The following WWP1 variants were observed in gnomAD, a reference collection of about 807,000 sequenced individuals.
WWP1 encodes the protein WW domain containing E3 ubiquitin protein ligase 1, also known as NEDD4-like E3 ubiquitin-protein ligase WWP1.
WWP1 carries 49 observed loss-of-function variants against 130.6 expected under a neutral mutation model. The ratio of observed to expected loss-of-function variants is 0.38; its 90% CI spans 0.30 to 0.48. The LOEUF (loss-of-function observed/expected upper bound fraction) is 0.48. Among genes scored for constraint, WWP1 ranks in the 20% least tolerant of loss-of-function variants. WWP1 has a pLI of 0.99. For synonymous variants in WWP1, 332 were observed against 367.8 expected, an observed-to-expected ratio of 0.90 and a Z score of 1.11; for missense variants, 809 against 1,100.6, an observed-to-expected ratio of 0.74 and a Z score of 3.75.
At chr8:86,389,605 T>G (rs1038285402) in intron 5 of WWP1, among the ~76,000 whole-genome samples, 4 of 152,218 alleles carry the variant, frequency 2.6e-5, no homozygotes, top group African/African-American at 4.8e-5. Flanking sequence ...TTCCCCACAT[T>G]TCCCCCTTTT....
chr8:86,433,229 C>CT (rs11321240), intron 14 of WWP1, among the ~76,000 whole-genome samples: 14,770 of 119,018 alleles, frequency 0.12, 2,425 homozygotes, highest in African/African-American at 0.37. Context: ...TCCTAAGCCT[C>CT]TTTTTTTTTT....
At chr8:86,370,698 A>G (rs1314473108) in intron 2 of WWP1, among the ~76,000 whole-genome samples, 1 of 152,148 alleles carries the variant, frequency 6.6e-6, no homozygotes, top group Non-Finnish European at 1.5e-5. Flanking sequence ...AAGGAGTTGG[A>G]AGAATTTCTT....
intron 10 of WWP1, among the ~76,000 whole-genome samples, chr8:86,426,584 A>G (rs1809636770): frequency 6.6e-6 from 1 of 152,122 alleles, no homozygotes; most frequent in Admixed American, 6.5e-5. Flanking sequence ...GAACCAGCAA[A>G]TAGTTGGTTA....
chr8:86,430,592 A>G (rs1248743840), intron 11 of WWP1, 105 bp from the exon 12 acceptor site: 2 of 935,256 alleles, frequency 2.1e-6, no homozygotes, highest in Non-Finnish European at 3.0e-6. Context: ...TCATATTTTT[A>G]GAAAATTATT....
chr8:86,392,439 T>A (rs1170890386), intron 5 of WWP1, among the ~76,000 whole-genome samples: 1 of 152,220 alleles, frequency 6.6e-6, no homozygotes, highest in Non-Finnish European at 1.5e-5. Flanking sequence ...ATAATTAGAC[T>A]GAGGTTTTTT....
At chr8:86,407,676 A>G (rs955443495) in intron 8 of WWP1, among the ~76,000 whole-genome samples, 7 of 152,216 alleles carry the variant, frequency 4.6e-5, no homozygotes, top group African/African-American at 1.7e-4. Context: ...TGAAGAACCA[A>G]CATTTGTTGA....
chr8:86,378,413 A>AT lies in WWP1; in HGVS notation c.71-2307dup, dbSNP rs571810633. 7.2e-5 allele frequency among the ~76,000 whole-genome samples: 11 copies of AT among 152,012 alleles called. No homozygotes were observed. The South Asian group carries it at 1.9e-3, about 26-fold the overall frequency. ...ACTTATTTCTTAAGTTTATTACTAG[A>AT]TTTTTTGAAGGGATGTTATTGTGAG... On this transcript the variant is annotated intron_variant, in intron 3 of 24. Coordinates refer to ENST00000517970, the MANE Select transcript of WWP1 (RefSeq NM_007013.4).
rs1333324883 is a variant in WWP1 at position 86,466,775 on chromosome 8, T to C, written c.2670-19T>C. On this transcript the variant is annotated intron_variant, in intron 24 of 24. Coordinates refer to ENST00000517970, the MANE Select transcript of WWP1 (RefSeq NM_007013.4). ...TCATTTTATTGAAAACATCTGATTT[T>C]GTTTTTGTTTCTGTTCAGTTTTAAT... 6.7e-7 allele frequency: 1 copy of C among 1,489,394 alleles called. No homozygotes were observed. The highest frequency in any genetic ancestry group is 9.1e-7 in the Non-Finnish European group (1 of 1,099,890). 92.3% of individuals were successfully genotyped at this position (1,489,394 alleles called of 1,614,324 possible).
chr8:86,448,350 G>A (rs772894725), intron 19 of WWP1, 23 bp from the exon 20 acceptor site: 25 of 1,602,958 alleles, frequency 1.6e-5, no homozygotes, highest in Middle Eastern at 1.7e-4. Context: ...GTTAATTAGT[G>A]TATATATATT....
At chr8:86,390,184 A>G (rs1435184199) in intron 5 of WWP1, among the ~76,000 whole-genome samples, 5 of 149,268 alleles carry the variant, frequency 3.3e-5, no homozygotes, top group Admixed American at 1.3e-4. Context: ...GATGGCGGCC[A>G]GGAAGAGGCG....
chr8:86,407,806 C>G (rs1808362108), intron 8 of WWP1, among the ~76,000 whole-genome samples: 2 of 152,030 alleles, frequency 1.3e-5, no homozygotes, highest in South Asian at 4.2e-4. Context: ...CCCATATGTC[C>G]TCCCATCCCA....
At chr8:86,414,889 AT>A (rs201150004) in intron 9 of WWP1, among the ~76,000 whole-genome samples, 6 of 31,294 alleles carry the variant, frequency 1.9e-4, no homozygotes, top group Admixed American at 3.0e-4. Flanking sequence ...TCCCCCCCCC[AT>A]CCCCCCACCC....
Position 86,442,788 on chromosome 8 carries a change from T to A in WWP1, c.1998+10T>A, listed in dbSNP as rs780563516. ...TCGTTTTATTGCCATGGTGAGTTCC[T>A]GACTTTATTATTATTTATTTAAGTT... On this transcript the variant is annotated intron_variant, in intron 18 of 24. Coordinates refer to ENST00000517970, the MANE Select transcript of WWP1 (RefSeq NM_007013.4). 3.1e-6 allele frequency: 5 copies of A among 1,587,468 alleles called. No individual in the cohort carries two copies. The highest frequency in any genetic ancestry group is 3.4e-6 in the Non-Finnish European group (4 of 1,172,138).
chr8:86,427,288 T>G (rs936165497), intron 10 of WWP1, among the ~76,000 whole-genome samples: 4 of 152,188 alleles, frequency 2.6e-5, no homozygotes, highest in Non-Finnish European at 5.9e-5. Flanking sequence ...CGTAAGGGGC[T>G]TAAAACCTAG....
At chr8:86,364,434 A>G (rs1823841985) in intron 1 of WWP1, among the ~76,000 whole-genome samples, 2 of 152,192 alleles carry the variant, frequency 1.3e-5, no homozygotes, top group Admixed American at 6.5e-5. Flanking sequence ...ATGTAAGAAT[A>G]TGTTTTGCTT....
intron 16 of WWP1, 51 bp downstream of exon 16, chr8:86,435,755 T>A: frequency 6.4e-7 from 1 of 1,560,602 alleles, no homozygotes; most frequent in Non-Finnish European, 8.8e-7. Flanking sequence ...TTGTATTCTG[T>A]GCATCTAAAG....
chr8:86,396,159 C>T (rs934941204), intron 5 of WWP1, among the ~76,000 whole-genome samples: 3 of 151,402 alleles, frequency 2.0e-5, no homozygotes, highest in Admixed American at 6.6e-5. Flanking sequence ...AGTGCAGTGG[C>T]GCGATCTCAG....
chr8:86,434,027 C>T (rs1405132377), intron 14 of WWP1, among the ~76,000 whole-genome samples: 1 of 152,076 alleles, frequency 6.6e-6, no homozygotes, highest in Non-Finnish European at 1.5e-5. Flanking sequence ...ATCTAGAATC[C>T]AGCTATGCCT....
At chr8:86,365,943 A>G (rs537002090) in intron 1 of WWP1, among the ~76,000 whole-genome samples, 204 of 152,378 alleles carry the variant, frequency 1.3e-3, no homozygotes, top group African/African-American at 4.7e-3. Flanking sequence ...AATGGGAGAT[A>G]GAAGTGAAAA....
Sources: gnomAD v4.1 joint callset for allele counts (sites outside exome capture counted in the v4.1 genomes callset) on GRCh38, gnomAD v4.1.1 for gene constraint, MANE v1.5 for transcripts, NCBI Gene and HGNC (gene_info 2026-07-23, HGNC 2026-07-21) for gene names.